ARB2A: variants seen among roughly 807,000 people sequenced by gnomAD.
ARB2A encodes the protein ARB2 cotranscriptional regulator A, also known as cotranscriptional regulator ARB2A.
the ARB2A span, chr5:93,964,361 T>C: frequency 1.2e-6 from 1 of 856,668 alleles, no homozygotes; most frequent in South Asian, 1.6e-5. Context: ...CTTATCACAG[T>C]CAACCCAAAA....
the ARB2A span, among the ~76,000 whole-genome samples, chr5:93,790,996 G>A: frequency 2.6e-5 from 4 of 152,144 alleles, no homozygotes; most frequent in African/African-American, 9.7e-5. Context: ...TTATTACCTT[G>A]ACATTCATCT....
the ARB2A span, among the ~76,000 whole-genome samples, chr5:93,788,691 A>G: frequency 6.6e-6 from 1 of 152,216 alleles, no homozygotes; most frequent in African/African-American, 2.4e-5. Flanking sequence ...TACTTCTGCC[A>G]AATTGAATTA....
At chr5:93,778,633 G>A in the ARB2A span, among the ~76,000 whole-genome samples, 1 of 152,094 alleles carries the variant, frequency 6.6e-6, no homozygotes. Context: ...GGTACTGTAT[G>A]TATTTTAATT....
At chr5:93,638,608 T>G in the ARB2A span, among the ~76,000 whole-genome samples, 2 of 148,482 alleles carry the variant, frequency 1.3e-5, no homozygotes, top group African/African-American at 5.0e-5. Context: ...AGGTTGGGAG[T>G]GCGAGACCAG....
the ARB2A span, chr5:93,620,947 G>T: frequency 6.3e-7 from 1 of 1,597,074 alleles, no homozygotes; most frequent in Admixed American, 1.7e-5. Context: ...GCGTGCGGGT[G>T]GGTGCGCCAG....
At chr5:93,857,461 T>A in the ARB2A span, among the ~76,000 whole-genome samples, 1 of 152,242 alleles carries the variant, frequency 6.6e-6, no homozygotes, top group South Asian at 2.1e-4. Context: ...CCCGACTGTT[T>A]TGTTTACCTA....
the ARB2A span, among the ~76,000 whole-genome samples, chr5:94,068,335 G>A: frequency 6.6e-5 from 10 of 152,370 alleles, no homozygotes; most frequent in South Asian, 2.1e-3. Flanking sequence ...TGGATCAGGA[G>A]CACAACGGAC....
the ARB2A span, among the ~76,000 whole-genome samples, chr5:93,660,479 A>G: frequency 6.6e-6 from 1 of 152,178 alleles, no homozygotes; most frequent in African/African-American, 2.4e-5. Flanking sequence ...GTAAGGGGCA[A>G]GAAGATAAGT....
the ARB2A span, among the ~76,000 whole-genome samples, chr5:93,690,067 G>A: frequency 8.5e-5 from 13 of 152,122 alleles, no homozygotes; most frequent in Non-Finnish European, 1.5e-4. Context: ...TGCAGACCAG[G>A]AGATTCCCTA....
chr5:93,676,490 T>C, the ARB2A span, among the ~76,000 whole-genome samples: 30 of 152,232 alleles, frequency 2.0e-4, no homozygotes, highest in African/African-American at 7.2e-4. Flanking sequence ...AAAACAAAAC[T>C]GTTTTTAATC....
At chr5:93,650,892 T>C in the ARB2A span, among the ~76,000 whole-genome samples, 4 of 151,788 alleles carry the variant, frequency 2.6e-5, no homozygotes, top group African/African-American at 4.8e-5. Context: ...CTTGGGAGGC[T>C]GAGGCAGGAG....
the ARB2A span, among the ~76,000 whole-genome samples, chr5:94,067,622 A>G: frequency 6.6e-6 from 1 of 152,178 alleles, no homozygotes. Flanking sequence ...TTAACCAAAG[A>G]GGTGAAAAAC....
At chr5:94,021,628 A>G in the ARB2A span, among the ~76,000 whole-genome samples, 59 of 152,230 alleles carry the variant, frequency 3.9e-4, no homozygotes, top group Admixed American at 1.2e-3. Context: ...ACGGTCAAAC[A>G]GATGGACAAT....
At chr5:93,795,169 G>C in the ARB2A span, among the ~76,000 whole-genome samples, 1 of 152,070 alleles carries the variant, frequency 6.6e-6, no homozygotes, top group East Asian at 1.9e-4. Flanking sequence ...GTCCAGTGAA[G>C]GAATATTCCC....
At chr5:93,864,323 A>G in the ARB2A span, among the ~76,000 whole-genome samples, 2 of 152,190 alleles carry the variant, frequency 1.3e-5, no homozygotes, top group African/African-American at 4.8e-5. Context: ...GGTGAAAGCA[A>G]AAGAAGAAAA....
the ARB2A span, among the ~76,000 whole-genome samples, chr5:93,872,095 C>T: frequency 2.0e-4 from 30 of 151,746 alleles, no homozygotes; most frequent in African/African-American, 6.8e-4. Flanking sequence ...ACTACAGGCG[C>T]GCACCACCAT....
the ARB2A span, among the ~76,000 whole-genome samples, chr5:93,821,380 A>C: frequency 6.6e-6 from 1 of 152,184 alleles, no homozygotes; most frequent in African/African-American, 2.4e-5. Flanking sequence ...TAAATGACTG[A>C]AATCCAAAGG....
the ARB2A span, among the ~76,000 whole-genome samples, chr5:93,965,039 A>C: frequency 1.3e-5 from 2 of 152,056 alleles, no homozygotes; most frequent in Non-Finnish European, 2.9e-5. Flanking sequence ...GTTCCTCTAG[A>C]TGTCCATGTC....
At chr5:93,989,136 T>A in the ARB2A span, among the ~76,000 whole-genome samples, 1 of 152,124 alleles carries the variant, frequency 6.6e-6, no homozygotes, top group African/African-American at 2.4e-5. Flanking sequence ...TGTGGCATAA[T>A]CCTCTTGGCT....
Sources: gnomAD v4.1 joint callset for allele counts (sites outside exome capture counted in the v4.1 genomes callset) on GRCh38, gnomAD v4.1.1 for gene constraint, MANE v1.5 for transcripts, NCBI Gene and HGNC (gene_info 2026-07-23, HGNC 2026-07-21) for gene names.